Variants in P2RX3 observed in about 807,000 individuals in gnomAD.
P2RX3 encodes purinergic receptor P2X 3.
In P2RX3, 41 loss-of-function variants were observed where a neutral mutation model predicts 51.5. That is an observed-to-expected ratio of 0.80 (90% CI 0.62 to 1.03). P2RX3 has a LOEUF of 1.03. P2RX3 is among the 50% of genes least tolerant of loss of function. P2RX3 has a pLI of 0.00. For synonymous variants in P2RX3, 185 were observed against 191.6 expected (o/e 0.97, Z 0.29); for missense variants, 459 against 522.1 (o/e 0.88, Z 1.18).
At chr11:57,357,201 A>G (rs1856644328) in intron 8 of P2RX3, among the ~76,000 whole-genome samples, 1 of 152,162 alleles carries the variant, frequency 6.6e-6, no homozygotes, top group South Asian at 2.1e-4. Flanking sequence ...CGCACCTGTA[A>G]TCCCAGTTAC....
At chr11:57,342,756 G>A (rs1856364495) in intron 1 of P2RX3, among the ~76,000 whole-genome samples, 1 of 151,824 alleles carries the variant, frequency 6.6e-6, no homozygotes, top group African/African-American at 2.4e-5. Context: ...ACTTCACAAA[G>A]ACCCCCCCAT....
chr11:57,350,740 C>A (rs1043390672), intron 7 of P2RX3, 22 bp from the exon 8 acceptor site: 3 of 1,613,080 alleles, frequency 1.9e-6, no homozygotes, highest in Non-Finnish European at 2.5e-6. Context: ...GGGGAAAGCT[C>A]ATACCCGGCC....
chr11:57,346,001 G>T (rs2134413201), intron 1 of P2RX3, among the ~76,000 whole-genome samples: 1 of 152,118 alleles, frequency 6.6e-6, no homozygotes, highest in African/African-American at 2.4e-5. Flanking sequence ...GAGCTCCCAA[G>T]GACCTTTATT....
chr11:57,369,101 A>C (rs2134452625), intron 10 of P2RX3, among the ~76,000 whole-genome samples: 1 of 152,340 alleles, frequency 6.6e-6, no homozygotes, highest in Middle Eastern at 3.4e-3. Flanking sequence ...TCCATCCATG[A>C]GGGCAGAGCC....
At chr11:57,356,551 A>G (rs1203487532) in intron 8 of P2RX3, among the ~76,000 whole-genome samples, 1 of 152,250 alleles carries the variant, frequency 6.6e-6, no homozygotes, top group Admixed American at 6.5e-5. Flanking sequence ...ATGTACCCAC[A>G]GCAGCTTTCA....
intron 8 of P2RX3, among the ~76,000 whole-genome samples, chr11:57,354,370 T>G (rs774621160): frequency 1.3e-5 from 2 of 152,170 alleles, no homozygotes; most frequent in Non-Finnish European, 2.9e-5. Flanking sequence ...TTATGAAGCC[T>G]CTTTCTAAGC....
chr11:57,350,178 T>A, intron 7 of P2RX3: 1 of 459,862 alleles, frequency 2.2e-6, no homozygotes. Context: ...AGATCTGTAA[T>A]AAGCCCCAAA....
intron 1 of P2RX3, 39 bp from the exon 2 acceptor site, chr11:57,346,505 A>C: frequency 6.2e-7 from 1 of 1,602,018 alleles, no homozygotes; most frequent in East Asian, 2.2e-5. Context: ...GGGTCTATGG[A>C]CTCCTCTCTT....
chr11:57,361,410 A>T (rs188159827), intron 8 of P2RX3, among the ~76,000 whole-genome samples: 58 of 152,192 alleles, frequency 3.8e-4, no homozygotes, highest in Non-Finnish European at 6.9e-4. Flanking sequence ...ATTAAGCCCC[A>T]CATGCATTAG....
intron 5 of P2RX3, 69 bp downstream of exon 5, chr11:57,348,332 G>A (rs541442192): frequency 3.2e-5 from 44 of 1,374,576 alleles, no homozygotes; most frequent in Middle Eastern, 2.3e-4. Context: ...TGTGGGAGCC[G>A]TGCGTCTCTG....
chr11:57,365,611 C>T (rs1856785927), intron 8 of P2RX3, among the ~76,000 whole-genome samples: 2 of 152,168 alleles, frequency 1.3e-5, no homozygotes, highest in African/African-American at 4.8e-5. Context: ...TCGCATTTAC[C>T]CTGTCTCACC....
chr11:57,353,844 C>CA (rs1201126336), intron 8 of P2RX3, among the ~76,000 whole-genome samples: 4 of 128,110 alleles, frequency 3.1e-5, no homozygotes, highest in Non-Finnish European at 5.0e-5. Flanking sequence ...CACTCCCCCC[C>CA]CCCCGCCCCT....
intron 1 of P2RX3, among the ~76,000 whole-genome samples, chr11:57,340,216 G>T (rs1856312851): frequency 1.3e-5 from 2 of 152,118 alleles, no homozygotes. Context: ...TCCCCTTCTG[G>T]CCTGGCTCCA....
intron 2 of P2RX3, 51 bp downstream of exon 2, chr11:57,346,730 G>A: frequency 6.3e-7 from 1 of 1,599,694 alleles, no homozygotes; most frequent in Non-Finnish European, 8.5e-7. Flanking sequence ...CACTGGGCAG[G>A]TTGGAAGGGA....
chr11:57,338,433 C>A lies in P2RX3; in HGVS notation c.-118C>A. On this transcript the variant is annotated 5_prime_UTR_variant, in exon 1 of 12. Coordinates refer to ENST00000263314, the MANE Select transcript of P2RX3 (RefSeq NM_002559.5). ...TAAAGGGACAGGCTCCCCATTCCTCCAACCCCTCTAAGCTGCCCCCTCCAG... is the reference window on the plus strand; with the variant it reads ...TAAAGGGACAGGCTCCCCATTCCTCAAACCCCTCTAAGCTGCCCCCTCCAG... The A allele has an allele frequency of 1.7e-6, 1 of 597,464 alleles. No individual in the cohort carries two copies. Among genetic ancestry groups the A allele is most frequent in the Non-Finnish European group, 3.0e-6 (1 of 329,202 alleles). 37.0% of individuals were successfully genotyped at this position (597,464 alleles called of 1,614,324 possible). A position where few individuals can be genotyped will look rare whatever the true frequency, so the allele number is the denominator to read the frequency against.
chr11:57,362,490 A>G (rs923091842), intron 8 of P2RX3, among the ~76,000 whole-genome samples: 1 of 152,198 alleles, frequency 6.6e-6, no homozygotes, highest in African/African-American at 2.4e-5. Context: ...CTGTCCTGAC[A>G]CTGCATGGCC....
intron 1 of P2RX3, among the ~76,000 whole-genome samples, chr11:57,344,028 C>CA (rs35376096): frequency 0.049 from 7,515 of 152,058 alleles, 211 homozygotes; most frequent in African/African-American, 0.07. Context: ...CCTCCCCTTC[C>CA]AAAAAAAGAA....
chr11:57,347,363 T>C, intron 3 of P2RX3, 52 bp from the exon 4 acceptor site: 2 of 1,545,774 alleles, frequency 1.3e-6, no homozygotes, highest in South Asian at 2.4e-5. Flanking sequence ...GTCGCGGAGC[T>C]CACCAGGCCA....
chr11:57,347,660 G>A (rs1166391450), intron 4 of P2RX3, among the ~76,000 whole-genome samples, 182 bp downstream of exon 4: 1 of 152,210 alleles, frequency 6.6e-6, no homozygotes, highest in Non-Finnish European at 1.5e-5. Context: ...CCTGCCCCCA[G>A]AGGAGTTCCC....
Sources: gnomAD v4.1 joint callset for allele counts (sites outside exome capture counted in the v4.1 genomes callset) on GRCh38, gnomAD v4.1.1 for gene constraint, MANE v1.5 for transcripts, NCBI Gene and HGNC (gene_info 2026-07-23, HGNC 2026-07-21) for gene names.